MCCC1: variants seen among roughly 807,000 people sequenced by gnomAD.
MCCC1 encodes the protein methylcrotonyl-CoA carboxylase subunit 1.
MCCC1 carries 64 observed loss-of-function variants against 83.8 expected under a neutral mutation model. The ratio of observed to expected loss-of-function variants is 0.76; its 90% confidence interval spans 0.62 to 0.94. The LOEUF is 0.94. Among genes scored for constraint, MCCC1 ranks in the 40% least tolerant of loss-of-function variants. The pLI is 0.00. For missense variants in MCCC1, 807 were observed against 904.7 expected (o/e 0.89, Z 1.39); for synonymous variants, 322 against 315.4 (o/e 1.02, Z -0.22).
chr3:183,099,135 C>A (rs1718958891), intron 1 of MCCC1: 2 of 609,408 alleles, frequency 3.3e-6, no homozygotes, highest in Admixed American at 2.8e-5. Context: ...CGCGCTGAAG[C>A]GTGGATGTGC....
rs1560224233 is a variant in MCCC1 at position 183,041,631 on chromosome 3, TG to T, written c.1202del (p.Pro401HisfsTer2). ...CTCGAGGAGTAGAGAGGTGCACTAA[TG>T]GGCCTGCCACAGGCATGAAGTTATT... The part of the protein sequence containing the change: ...PSNNFMPVAG[P>X]LVHLSTPRAD... On this transcript the variant is annotated frameshift_variant, in exon 11 of 19. Coordinates refer to ENST00000265594, the MANE Select transcript of MCCC1 (RefSeq NM_020166.5). LOFTEE classifies it high-confidence loss of function. 1 of 1,614,216 alleles carries T rather than the reference TG, an allele frequency of 6.2e-7. No individual in the cohort carries two copies. The highest frequency in any genetic ancestry group is 1.1e-5 in the South Asian group (1 of 91,090).
chr3:183,020,468 C>T (rs1253519810), intron 16 of MCCC1, among the ~76,000 whole-genome samples: 1 of 151,822 alleles, frequency 6.6e-6, no homozygotes, highest in Non-Finnish European at 1.5e-5. Context: ...CTCATCTCTA[C>T]AAAAAATACA....
intron 8 of MCCC1, among the ~76,000 whole-genome samples, chr3:183,055,613 CAG>C (rs955596242): frequency 6.6e-6 from 1 of 151,868 alleles, no homozygotes. Flanking sequence ...TTATATGTTT[CAG>C]GCTGAGCACA....
At chr3:183,069,696 A>G (rs1716514007) in intron 7 of MCCC1, among the ~76,000 whole-genome samples, 1 of 152,218 alleles carries the variant, frequency 6.6e-6, no homozygotes, top group African/African-American at 2.4e-5. Context: ...ATCTCTTTCC[A>G]GTCATGGTTC....
intron 7 of MCCC1, among the ~76,000 whole-genome samples, chr3:183,069,658 A>G (rs1240324751): frequency 1.3e-5 from 2 of 152,212 alleles, no homozygotes; most frequent in Non-Finnish European, 2.9e-5. Context: ...AAGGGCCTGA[A>G]GTTTCAAGTC....
At chr3:183,026,931 A>G (rs938276994) in intron 14 of MCCC1, among the ~76,000 whole-genome samples, 1 of 152,234 alleles carries the variant, frequency 6.6e-6, no homozygotes, top group Non-Finnish European at 1.5e-5. Context: ...TTACAGGCAC[A>G]TCTCACTTTA....
chr3:183,107,468 C>T (rs183585814), intron 1 of MCCC1, among the ~76,000 whole-genome samples: 124 of 151,190 alleles, frequency 8.2e-4, no homozygotes, highest in Non-Finnish European at 1.5e-3. Context: ...ATTGCATTGA[C>T]TCTTAGGTCA....
chr3:183,091,019 C>G (rs924638841), intron 3 of MCCC1: 27 of 456,520 alleles, frequency 5.9e-5, no homozygotes, highest in Non-Finnish European at 1.1e-4. Context: ...TCTGTGAAAT[C>G]AAGATCATCC....
At chr3:183,025,065 T>A (rs1174055299) in intron 15 of MCCC1, among the ~76,000 whole-genome samples, 1 of 152,054 alleles carries the variant, frequency 6.6e-6, no homozygotes, top group East Asian at 1.9e-4. Flanking sequence ...AAATACTACA[T>A]TATTCCGCTT....
At chr3:183,036,751 G>A (rs543698507) in intron 13 of MCCC1, among the ~76,000 whole-genome samples, 9 of 152,192 alleles carry the variant, frequency 5.9e-5, no homozygotes, top group African/African-American at 1.9e-4. Flanking sequence ...ATGTTAGCCA[G>A]GATGGTCTTG....
chr3:183,043,521 T>C (rs1714289316), intron 10 of MCCC1, among the ~76,000 whole-genome samples: 1 of 152,222 alleles, frequency 6.6e-6, no homozygotes, highest in African/African-American at 2.4e-5. Flanking sequence ...GACACTTACA[T>C]CAGTCATCAT....
intron 1 of MCCC1, among the ~76,000 whole-genome samples, chr3:183,114,723 C>G (rs552155569): frequency 2.2e-4 from 33 of 152,302 alleles, no homozygotes; most frequent in Non-Finnish European, 3.5e-4. Context: ...GACTCTAGAT[C>G]TAAAAATTGC....
At chr3:183,085,267 G>C (rs1717809726) in intron 4 of MCCC1, among the ~76,000 whole-genome samples, 3 of 151,972 alleles carry the variant, frequency 2.0e-5, no homozygotes, top group South Asian at 4.2e-4. Flanking sequence ...CCACCCAGAA[G>C]CCACAGCGAT....
chr3:183,109,269 G>C (rs931368219), intron 1 of MCCC1, among the ~76,000 whole-genome samples: 1 of 152,120 alleles, frequency 6.6e-6, no homozygotes, highest in African/African-American at 2.4e-5. Flanking sequence ...TGGGATTACA[G>C]GCGTGAGCCA....
At chr3:183,044,687 G>A (rs1322865342) in intron 10 of MCCC1, among the ~76,000 whole-genome samples, 5 of 152,136 alleles carry the variant, frequency 3.3e-5, no homozygotes, top group African/African-American at 1.2e-4. Flanking sequence ...TGATGTGGTT[G>A]TGAGCAAGCC....
At chr3:183,096,343 A>AAAT (rs1560285302) in intron 1 of MCCC1, among the ~76,000 whole-genome samples, 66 of 151,862 alleles carry the variant, frequency 4.3e-4, no homozygotes, top group East Asian at 3.9e-3. Flanking sequence ...CTCAAAAAAA[A>AAAT]AAATAAATAA....
chr3:183,114,468 T>C (rs1208409457), intron 1 of MCCC1, among the ~76,000 whole-genome samples: 3 of 152,170 alleles, frequency 2.0e-5, no homozygotes, highest in Non-Finnish European at 4.4e-5. Context: ...TGATGCTGTC[T>C]CCAGGCAGTG....
chr3:183,079,607 A>G (rs917777112), intron 4 of MCCC1, among the ~76,000 whole-genome samples: 2 of 152,126 alleles, frequency 1.3e-5, no homozygotes, highest in African/African-American at 4.8e-5. Flanking sequence ...TTCCAGGTAC[A>G]TGGTGCAAGC....
Position 183,015,386 on chromosome 3 carries a change from T to C in MCCC1, c.*52A>G, listed in dbSNP as rs748032864. The C allele has an allele frequency of 1.6e-5, 25 of 1,608,818 alleles. No individual in the cohort carries two copies. The highest frequency in any genetic ancestry group is 2.7e-5 in the African/African-American group (2 of 74,836). On this transcript the variant is annotated 3_prime_UTR_variant, in exon 19 of 19. Coordinates refer to ENST00000265594, the MANE Select transcript of MCCC1 (RefSeq NM_020166.5). ...CCAGAAAAGCTGGAGGCACTTCCTC[T>C]TTTTGGTGGAGAGAGAAGACACTAC...
Sources: gnomAD v4.1 joint callset for allele counts (sites outside exome capture counted in the v4.1 genomes callset) on GRCh38, gnomAD v4.1.1 for gene constraint, MANE v1.5 for transcripts, NCBI Gene and HGNC (gene_info 2026-07-23, HGNC 2026-07-21) for gene names.